The following TRUB2 variants were observed in gnomAD, a reference collection of about 807,000 sequenced individuals.
TRUB2 encodes the protein pseudouridylate synthase TRUB2, mitochondrial.
In TRUB2, 31 loss-of-function variants were observed where a neutral mutation model predicts 31.9. That is an observed-to-expected ratio of 0.97 (90% CI 0.73 to 1.31). The LOEUF (loss-of-function observed/expected upper bound fraction) is 1.31, where lower values mean the gene tolerates loss of function less well. Among genes scored for constraint, TRUB2 ranks in the 50% most tolerant of loss-of-function variants. The probability of loss-of-function intolerance (pLI) is 0.00; values close to 1 mark genes in which losing one functional copy is unlikely to be tolerated. For missense variants in TRUB2, 451 were observed against 439.6 expected, an observed-to-expected ratio of 1.03 and a Z score of -0.23; for synonymous variants, 201 against 182.6, an observed-to-expected ratio of 1.10 and a Z score of -0.81.
At chr9:128,311,806 C>T (rs1033392481) in intron 5 of TRUB2, among the ~76,000 whole-genome samples, 1 of 150,010 alleles carries the variant, frequency 6.7e-6, no homozygotes, top group Non-Finnish European at 1.5e-5. Flanking sequence ...GAAAGATACA[C>T]ATGACTCAGC....
chr9:128,318,636 G>A (rs985176977), intron 2 of TRUB2, among the ~76,000 whole-genome samples: 3 of 151,918 alleles, frequency 2.0e-5, no homozygotes, highest in Admixed American at 6.6e-5. Context: ...AGATTCAAGC[G>A]ATTCTCATGC....
Position 128,321,417 on chromosome 9 carries a change from C to T in TRUB2, c.241+182G>A, listed in dbSNP as rs542530045. On this transcript the variant is annotated intron_variant, in intron 2 of 7. Transcript: ENST00000372890. ...GCAGTTCCAACGGAAATCACATGGC[C>T]TGAAAACTAAAACATTCAGTATCTG... Among the ~76,000 whole-genome samples the T allele has an allele frequency of 2.0e-5, 3 of 152,326 alleles. No homozygotes were observed. In the South Asian group the frequency reaches 6.2e-4, roughly 32 times the overall value.
intron 7 of TRUB2, among the ~76,000 whole-genome samples, chr9:128,310,287 C>A (rs1274471672): frequency 2.0e-5 from 3 of 151,998 alleles, no homozygotes; most frequent in Admixed American, 2.0e-4. Flanking sequence ...CAGGGTCTCG[C>A]CATCTTGCCC....
intron 5 of TRUB2, 21 bp downstream of exon 5, chr9:128,313,787 G>A (rs758742821): frequency 1.2e-6 from 2 of 1,611,242 alleles, no homozygotes; most frequent in Middle Eastern, 1.7e-4. Context: ...GGAGGCAGCG[G>A]CAGCCACTTC....
Position 128,313,811 on chromosome 9 carries a change from A to C in TRUB2, c.457T>G (p.Tyr153Asp). Residue 153 changes from tyrosine to aspartate, a missense_variant, in exon 5 of 8, where the codon TAT (tyrosine) becomes GAT (aspartate). By Grantham distance (160) the Tyr-to-Asp change is radical. Transcript: ENST00000372890. ...EDGRLVEKTT[Y>D]DHVTREKLDR... is the part of the protein sequence containing the mutation. ...GGCAGCCACTTCCGGTTCTCACCAT[A>C]GGTTGTCTTCTCTACCAGCCTCCCG... 6.2e-7 allele frequency: 1 copy of C among 1,614,116 alleles called. No individual in the cohort carries two copies. The highest frequency in any genetic ancestry group is 8.5e-7 in the Non-Finnish European group (1 of 1,179,980).
At chr9:128,313,688 T>G in intron 5 of TRUB2, 120 bp downstream of exon 5, 1 of 882,316 alleles carries the variant, frequency 1.1e-6, no homozygotes, top group Non-Finnish European at 1.8e-6. Flanking sequence ...GGCCAAAGCC[T>G]CAGCCCAAGC....
rs748068393 is a variant in TRUB2 at position 128,309,679 on chromosome 9, CTGAG to C, written c.863_866del (p.Pro288ArgfsTer2). 1 of 1,614,242 alleles carries C rather than the reference CTGAG, an allele frequency of 6.2e-7. No individual in the cohort carries two copies. Among genetic ancestry groups the C allele is most frequent in the Non-Finnish European group, 8.5e-7 (1 of 1,180,044 alleles). On this transcript the variant is annotated frameshift_variant, in exon 8 of 8. Transcript: ENST00000372890. LOFTEE classifies it high-confidence loss of function. ...AGCTCTTCTCCAGCTCTGCAGCTACCTGAGGGGTAGCAGCCCGGATAGCATCCTG... is the reference window on the plus strand; with the variant it reads ...AGCTCTTCTCCAGCTCTGCAGCTACCGGGTAGCAGCCCGGATAGCATCCTG...
At chr9:128,319,646 T>A (rs1832128113) in intron 2 of TRUB2, among the ~76,000 whole-genome samples, 1 of 151,830 alleles carries the variant, frequency 6.6e-6, no homozygotes, top group Admixed American at 6.6e-5. Flanking sequence ...ATACCTTTTT[T>A]TTTTTTTTTT....
In TRUB2 at chr9:128,311,019, A is replaced by C; in HGVS notation, c.538T>G (p.Ser180Ala). The C allele has an allele frequency of 6.2e-7, 1 of 1,613,650 alleles. No homozygotes were observed. The highest frequency in any genetic ancestry group is 8.5e-7 in the Non-Finnish European group (1 of 1,179,808). Residue 180 changes from serine (S) to alanine (A), a missense_variant, in exon 7 of 8, where the codon TCC becomes GCC. Coordinates refer to ENST00000372890, the MANE Select transcript of TRUB2 (RefSeq NM_015679.3). ...TCCTGGGTCTTCAGGTCGAGGTTGG[A>C]GTACCTGCAGATCAGGAAGGGGGCT... ...GSHQKALVMY[S>A]NLDLKTQEAY... is the part of the protein sequence containing the mutation.
chr9:128,316,083 G>A (rs1832063601), intron 3 of TRUB2, among the ~76,000 whole-genome samples: 1 of 152,134 alleles, frequency 6.6e-6, no homozygotes, highest in Non-Finnish European at 1.5e-5. Flanking sequence ...GGCCGAGGCA[G>A]GTGGATCACC....
At chr9:128,318,795 A>G (rs962756706) in intron 2 of TRUB2, among the ~76,000 whole-genome samples, 5 of 151,742 alleles carry the variant, frequency 3.3e-5, no homozygotes, top group African/African-American at 1.2e-4. Context: ...CGGCCTCCCA[A>G]AGTGCTGGGA....
At position 128,307,594 on chromosome 9, in the gene TRUB2, G is replaced by A. The variant is rs1242620939; in HGVS notation, c.*1956C>T. On this transcript the variant is annotated 3_prime_UTR_variant, in exon 8 of 8. Transcript: ENST00000372890. ...AAAAATACAAAAATTAGCCAGGCTT[G>A]GTGGTGCACACCGGTAATCCCAGCA... 1 of 151,782 alleles carries A rather than the reference G, an allele frequency of 6.6e-6. No homozygotes were observed. The highest frequency in any genetic ancestry group is 1.5e-5 in the Non-Finnish European group (1 of 67,992). The allele number at this position is 151,782 out of a possible 1,614,324, so 9.4% of individuals were successfully genotyped here.
intron 5 of TRUB2, among the ~76,000 whole-genome samples, chr9:128,312,884 T>A (rs1265047919): frequency 6.6e-6 from 1 of 151,268 alleles, no homozygotes; most frequent in East Asian, 2.0e-4. Flanking sequence ...AGTGCTGGGA[T>A]TACAGGCGTG....
At chr9:128,313,721 G>A (rs1832018380) in intron 5 of TRUB2, 87 bp downstream of exon 5, 11 of 1,208,190 alleles carry the variant, frequency 9.1e-6, no homozygotes, top group Non-Finnish European at 1.3e-5. Context: ...GTGGAACTGA[G>A]AAGGGGCCAG....
At chr9:128,315,934 T>C (rs900444968) in intron 3 of TRUB2, 7 of 410,060 alleles carry the variant, frequency 1.7e-5, no homozygotes, top group African/African-American at 1.0e-4. Context: ...CACACAAACC[T>C]GCACTCAAAT....
At chr9:128,319,640 C>CTT (rs869294653) in intron 2 of TRUB2, among the ~76,000 whole-genome samples, 2 of 141,910 alleles carry the variant, frequency 1.4e-5, no homozygotes, top group Non-Finnish European at 1.6e-5. Flanking sequence ...TCCCATATAC[C>CTT]TTTTTTTTTT....
At position 128,309,374 on chromosome 9, in the gene TRUB2, T is replaced by C. The variant is rs1478530476; in HGVS notation, c.*176A>G. On this transcript the variant is annotated 3_prime_UTR_variant, in exon 8 of 8. Transcript: ENST00000372890. ...GTCATGTTTACTGTCTTTTCCTCCA[T>C]ACAGAAGTTTTTCCTTCTCAGTTGG... 6 of 642,836 alleles carry C rather than the reference T, an allele frequency of 9.3e-6. No individual in the cohort carries two copies. Among genetic ancestry groups the C allele is most frequent in the Non-Finnish European group, 1.6e-5 (6 of 377,122 alleles). 39.8% of individuals were successfully genotyped at this position (642,836 alleles called of 1,614,324 possible). A position where few individuals can be genotyped will look rare whatever the true frequency, so the allele number is the denominator to read the frequency against.
Position 128,310,889 on chromosome 9 carries a change from A to G in TRUB2, c.668T>C (p.Leu223Ser). The change falls in exon 7 of 8, where the codon TTA (leucine) becomes TCA (serine). Residue 223 changes from leucine (L) to serine (S), a missense_variant and splice_region_variant. Transcript: ENST00000372890. ...TCCAACTTCCTTGGCCAACCTACCT[A>G]AGAGGAATTCCGGAGGTGCAAAGTA... ...CLYFAPPEFLLEVQCMHETQK... is the reference protein window; with the variant it reads ...CLYFAPPEFLSEVQCMHETQK... 1 of 1,614,036 alleles carries G rather than the reference A, an allele frequency of 6.2e-7. No homozygotes were observed. Among genetic ancestry groups the G allele is most frequent in the Non-Finnish European group, 8.5e-7 (1 of 1,179,924 alleles).
chr9:128,320,732 G>A (rs2131456333), intron 2 of TRUB2, among the ~76,000 whole-genome samples: 1 of 152,264 alleles, frequency 6.6e-6, no homozygotes, highest in Admixed American at 6.5e-5. Flanking sequence ...CCAAAGTGCT[G>A]GGATTACAAG....
Sources: gnomAD v4.1 joint callset for allele counts (sites outside exome capture counted in the v4.1 genomes callset) on GRCh38, gnomAD v4.1.1 for gene constraint, MANE v1.5 for transcripts, NCBI Gene and HGNC (gene_info 2026-07-23, HGNC 2026-07-21) for gene names.